Variants in ALDH1A2 observed in about 807,000 individuals in gnomAD.
The protein encoded by ALDH1A2 is retinal dehydrogenase 2.
Under a neutral mutation model 60.3 loss-of-function variants are expected in ALDH1A2, and 27 were observed. The ratio of observed to expected loss-of-function variants is 0.45; its 90% CI spans 0.33 to 0.62. The LOEUF (loss-of-function observed/expected upper bound fraction) is 0.62, where lower values mean the gene tolerates loss of function less well. ALDH1A2 is among the 20% of genes least tolerant of loss of function. The pLI is 0.02. For synonymous variants in ALDH1A2, 289 were observed against 232.4 expected, an observed-to-expected ratio of 1.24 and a Z score of -2.21; for missense variants, 581 against 643.8, an observed-to-expected ratio of 0.90 and a Z score of 1.06.
chr15:57,962,376 C>T (rs888760246), intron 9 of ALDH1A2, among the ~76,000 whole-genome samples, 200 bp from the exon 10 acceptor site: 1 of 152,018 alleles, frequency 6.6e-6, no homozygotes, highest in East Asian at 1.9e-4. Context: ...AATATATCGA[C>T]GATTCCAATA....
intron 1 of ALDH1A2, among the ~76,000 whole-genome samples, chr15:58,031,930 T>C (rs1595678901): frequency 6.6e-6 from 1 of 152,198 alleles, no homozygotes; most frequent in Non-Finnish European, 1.5e-5. Flanking sequence ...GTTCAACCAT[T>C]GTGGAAGTCA....
At chr15:57,998,338 G>C (rs1310916153) in intron 4 of ALDH1A2, among the ~76,000 whole-genome samples, 1 of 152,058 alleles carries the variant, frequency 6.6e-6, no homozygotes, top group Non-Finnish European at 1.5e-5. Flanking sequence ...AAGCTGATAA[G>C]CAACTTCAAC....
intron 7 of ALDH1A2, among the ~76,000 whole-genome samples, chr15:57,972,285 T>C (rs1309122367): frequency 1.3e-5 from 2 of 152,184 alleles, no homozygotes; most frequent in African/African-American, 2.4e-5. Context: ...GACCTTCTCC[T>C]GGGAATTGGT....
rs541216192 is a variant in ALDH1A2 at position 57,981,591 on chromosome 15, T to C, written c.798+11114A>G. On this transcript the variant is annotated intron_variant, in intron 7 of 12. Transcript: ENST00000249750. Reference sequence around the variant, plus strand: ...AGGAGTGATTCATAGGCCTTACTAATGGAAGAAGACATGAAATAACAGACT... The same window carrying C: ...AGGAGTGATTCATAGGCCTTACTAACGGAAGAAGACATGAAATAACAGACT... Among the ~76,000 whole-genome samples, 15 of 152,270 alleles carry C rather than the reference T, an allele frequency of 9.9e-5. No homozygotes were observed. The South Asian group carries it at 2.7e-3, about 27-fold the overall frequency.
chr15:58,018,371 C>T (rs190230113), intron 1 of ALDH1A2, among the ~76,000 whole-genome samples: 2 of 151,914 alleles, frequency 1.3e-5, no homozygotes, highest in South Asian at 2.1e-4. Flanking sequence ...GATAAGGAGG[C>T]GCTCTTCTTC....
intron 7 of ALDH1A2, among the ~76,000 whole-genome samples, chr15:57,981,873 G>C (rs1159358620): frequency 1.3e-5 from 2 of 152,142 alleles, no homozygotes; most frequent in South Asian, 2.1e-4. Context: ...TCCCAGACTG[G>C]ATACCTAATA....
intron 1 of ALDH1A2, among the ~76,000 whole-genome samples, chr15:58,037,150 A>G (rs1896396693): frequency 6.6e-6 from 1 of 151,736 alleles, no homozygotes; most frequent in African/African-American, 2.4e-5. Context: ...AGTAAGTAGA[A>G]TATGTATTTA....
At chr15:58,064,665 T>G (rs1214378808) in intron 1 of ALDH1A2, among the ~76,000 whole-genome samples, 2 of 151,960 alleles carry the variant, frequency 1.3e-5, no homozygotes, top group African/African-American at 4.8e-5. Flanking sequence ...TTCAATCCCA[T>G]CTCTCTCTCA....
intron 7 of ALDH1A2, chr15:57,980,076 A>G: frequency 6.5e-6 from 2 of 308,586 alleles, no homozygotes; most frequent in Non-Finnish European, 1.3e-5. Flanking sequence ...TTGGGGTCAC[A>G]CAGATGCCTC....
intron 7 of ALDH1A2, among the ~76,000 whole-genome samples, chr15:57,989,450 G>A (rs897079837): frequency 6.6e-6 from 1 of 152,140 alleles, no homozygotes; most frequent in African/African-American, 2.4e-5. Context: ...TCTTCTAAAA[G>A]AATAAATGGG....
intron 3 of ALDH1A2, 109 bp from the exon 4 acceptor site, chr15:58,010,887 G>A (rs752896125): frequency 4.4e-6 from 6 of 1,349,290 alleles, no homozygotes; most frequent in Non-Finnish European, 6.2e-6. Context: ...TGCATATGGA[G>A]TTGCATACCT....
chr15:58,001,704 G>C (rs1324713985), intron 4 of ALDH1A2, among the ~76,000 whole-genome samples: 1 of 151,868 alleles, frequency 6.6e-6, no homozygotes, highest in Non-Finnish European at 1.5e-5. Context: ...CATTTCTCTA[G>C]CTTTGTGCTG....
chr15:57,960,652 C>G, intron 12 of ALDH1A2, 118 bp downstream of exon 12: 1 of 858,898 alleles, frequency 1.2e-6, no homozygotes, highest in Non-Finnish European at 1.9e-6. Flanking sequence ...ATGTGCTCCA[C>G]GAAATGTTTG....
At chr15:57,990,932 C>T (rs1241091754) in intron 7 of ALDH1A2, among the ~76,000 whole-genome samples, 3 of 150,090 alleles carry the variant, frequency 2.0e-5, no homozygotes, top group African/African-American at 7.3e-5. Flanking sequence ...TCAATCAGGA[C>T]CATTGGTTGG....
At chr15:57,995,840 G>A (rs2140495143) in intron 4 of ALDH1A2, among the ~76,000 whole-genome samples, 1 of 152,256 alleles carries the variant, frequency 6.6e-6, no homozygotes, top group East Asian at 1.9e-4. Flanking sequence ...CCTTACAGGA[G>A]TAATAGGCAA....
Position 57,955,102 on chromosome 15 carries a change from GTGGCTCAACTT to G in ALDH1A2, c.*84_*94del, listed in dbSNP as rs1192970329. ...TCTTTTCAATCTTTAAGTAAGGACC[GTGGCTCAACTT>G]TGTATTCCTGAGAGCTGGGCCCTAC... is the stretch of plus-strand genomic sequence containing the variant. On this transcript the variant is annotated 3_prime_UTR_variant, in exon 13 of 13. Coordinates refer to ENST00000249750, the MANE Select transcript of ALDH1A2 (RefSeq NM_003888.4). 6 of 1,294,760 alleles carry G rather than the reference GTGGCTCAACTT, an allele frequency of 4.6e-6. No individual in the cohort carries two copies. In the African/African-American group the frequency reaches 5.8e-5, roughly 13 times the overall value. 80.2% of individuals were successfully genotyped at this position (1,294,760 alleles called of 1,614,324 possible).
intron 1 of ALDH1A2, among the ~76,000 whole-genome samples, chr15:58,059,634 C>T (rs1357593134): frequency 1.3e-5 from 2 of 152,086 alleles, no homozygotes; most frequent in Non-Finnish European, 2.9e-5. Flanking sequence ...CTCAGCTAAT[C>T]GGGCATATTG....
intron 7 of ALDH1A2, among the ~76,000 whole-genome samples, chr15:57,977,915 C>G (rs1479322864): frequency 6.6e-6 from 1 of 152,148 alleles, no homozygotes; most frequent in African/African-American, 2.4e-5. Context: ...TCCTTCCAAT[C>G]TCTTCTAAGT....
At chr15:58,051,316 A>C (rs1896773147) in intron 1 of ALDH1A2, among the ~76,000 whole-genome samples, 1 of 152,092 alleles carries the variant, frequency 6.6e-6, no homozygotes, top group Non-Finnish European at 1.5e-5. Context: ...ATCACATCTA[A>C]CATTTTGAGA....
Sources: allele counts gnomAD v4.1 joint callset (sites outside exome capture counted in the v4.1 genomes callset), GRCh38; gene constraint gnomAD v4.1.1; transcripts MANE v1.5; gene names NCBI Gene and HGNC (gene_info 2026-07-23, HGNC 2026-07-21).